Variants in PARD3 observed in about 807,000 individuals in gnomAD.
PARD3 encodes par-3 family cell polarity regulator, also known as partitioning defective 3 homolog.
PARD3 carries 75 observed loss-of-function variants against 155.4 expected under a neutral mutation model. The observed-to-expected ratio is 0.48, with a 90% confidence interval of 0.40 to 0.58. The LOEUF is 0.58. PARD3 is among the 20% of genes least tolerant of loss of function. The pLI, the probability that PARD3 is intolerant of heterozygous loss-of-function variation, is 0.00. For synonymous variants in PARD3, 576 were observed against 610.5 expected, an observed-to-expected ratio of 0.94 and a Z score of 0.83; for missense variants, 1,642 against 1,721.7, an observed-to-expected ratio of 0.95 and a Z score of 0.82.
chr10:34,300,073 G>A (rs567745106), intron 20 of PARD3, among the ~76,000 whole-genome samples: 2 of 152,222 alleles, frequency 1.3e-5, no homozygotes, highest in East Asian at 3.9e-4. Flanking sequence ...AAAAATGCAT[G>A]TACAAATAAA....
At chr10:34,143,336 C>A (rs1948296295) in intron 22 of PARD3, among the ~76,000 whole-genome samples, 1 of 152,082 alleles carries the variant, frequency 6.6e-6, no homozygotes, top group Non-Finnish European at 1.5e-5. Flanking sequence ...CAACAAAAAA[C>A]TGAAATAAAA....
At chr10:34,669,294 A>C (rs2093563736) in intron 2 of PARD3, among the ~76,000 whole-genome samples, 4 of 152,222 alleles carry the variant, frequency 2.6e-5, no homozygotes, top group South Asian at 4.1e-4. Context: ...AAAAGAATGA[A>C]ATCATGTCTT....
chr10:34,233,239 T>C (rs764029872), intron 22 of PARD3, among the ~76,000 whole-genome samples: 4 of 151,950 alleles, frequency 2.6e-5, no homozygotes, highest in Non-Finnish European at 5.9e-5. Context: ...TTAGGTCCGC[T>C]AGAAACAGTG....
chr10:34,309,547 C>CAAA (rs1323865538), intron 20 of PARD3, among the ~76,000 whole-genome samples: 1 of 46,628 alleles, frequency 2.1e-5, no homozygotes, highest in Admixed American at 3.0e-4. Context: ...GACCCTGTCT[C>CAAA]CAAAAAAAAA....
chr10:34,217,856 A>G (rs1387598911), intron 22 of PARD3, among the ~76,000 whole-genome samples: 10 of 152,210 alleles, frequency 6.6e-5, no homozygotes, highest in Admixed American at 3.3e-4. Flanking sequence ...AGGGAGGTAG[A>G]CACCAAAAGG....
intron 2 of PARD3, among the ~76,000 whole-genome samples, chr10:34,681,747 TATATATATATATATATATATA>T (rs1223538090): frequency 5.4e-4 from 9 of 16,532 alleles, no homozygotes; most frequent in East Asian, 3.7e-3. Flanking sequence ...TATATATATA[TATATATATATATATATATATA>T]TTTTTTTTTT....
At chr10:34,461,660 T>C (rs1021247561) in intron 4 of PARD3, among the ~76,000 whole-genome samples, 4 of 152,304 alleles carry the variant, frequency 2.6e-5, no homozygotes, top group African/African-American at 9.6e-5. Context: ...GAGATTAAAA[T>C]ATTTTTTCAA....
chr10:34,134,147 C>T (rs1947762478), intron 22 of PARD3, among the ~76,000 whole-genome samples: 1 of 152,162 alleles, frequency 6.6e-6, no homozygotes, highest in African/African-American at 2.4e-5. Flanking sequence ...TATTGTTGCA[C>T]TGTCCAATCT....
intron 7 of PARD3, among the ~76,000 whole-genome samples, chr10:34,396,988 T>C (rs770743874): frequency 7.2e-4 from 110 of 152,336 alleles, no homozygotes; most frequent in Non-Finnish European, 1.3e-3. Flanking sequence ...TATATCAACA[T>C]TTATCACATA....
intron 3 of PARD3, among the ~76,000 whole-genome samples, chr10:34,515,729 C>T (rs1443173614): frequency 6.6e-6 from 1 of 151,824 alleles, no homozygotes; most frequent in Non-Finnish European, 1.5e-5. Flanking sequence ...CTACAGATTG[C>T]TATCAATGCA....
intron 22 of PARD3, among the ~76,000 whole-genome samples, chr10:34,180,310 G>C (rs1950215708): frequency 6.6e-6 from 1 of 152,152 alleles, no homozygotes; most frequent in Non-Finnish European, 1.5e-5. Flanking sequence ...CACCCAAAGT[G>C]TTGGGATTAC....
chr10:34,161,167 C>G (rs1209809383), intron 22 of PARD3, among the ~76,000 whole-genome samples: 1 of 149,486 alleles, frequency 6.7e-6, no homozygotes, highest in Admixed American at 6.7e-5. Context: ...ATCACTTGAG[C>G]CCAGGAGGCT....
intron 7 of PARD3, among the ~76,000 whole-genome samples, chr10:34,391,419 C>T (rs1253706136): frequency 6.6e-6 from 1 of 152,124 alleles, no homozygotes; most frequent in Non-Finnish European, 1.5e-5. Context: ...TCCCACAGAG[C>T]TCGGTGGTGT....
At chr10:34,220,605 G>A (rs543144057) in intron 22 of PARD3, among the ~76,000 whole-genome samples, 3 of 152,212 alleles carry the variant, frequency 2.0e-5, no homozygotes, top group Non-Finnish European at 2.9e-5. Flanking sequence ...ACAGGCACCC[G>A]AAATGCAATG....
At chr10:34,712,482 G>A (rs1173628790) in intron 1 of PARD3, among the ~76,000 whole-genome samples, 1 of 152,160 alleles carries the variant, frequency 6.6e-6, no homozygotes, top group Non-Finnish European at 1.5e-5. Flanking sequence ...TGACAATCCT[G>A]CAAGATCAAT....
At chr10:34,566,507 C>G (rs1033479019) in intron 2 of PARD3, among the ~76,000 whole-genome samples, 7 of 152,212 alleles carry the variant, frequency 4.6e-5, no homozygotes, top group Non-Finnish European at 1.0e-4. Flanking sequence ...TACATTATCC[C>G]GGAAATGCAG....
intron 21 of PARD3, among the ~76,000 whole-genome samples, chr10:34,278,258 G>C (rs1399217691): frequency 6.6e-6 from 1 of 152,064 alleles, no homozygotes; most frequent in Admixed American, 6.6e-5. Context: ...ATGTTGCCCA[G>C]GCTGGTATCG....
chr10:34,531,997 G>T (rs1336103982), intron 2 of PARD3, among the ~76,000 whole-genome samples: 1 of 150,536 alleles, frequency 6.6e-6, no homozygotes, highest in East Asian at 1.9e-4. Context: ...GTAACAACAG[G>T]AGGGGGCTAT....
At chr10:34,397,890 G>A (rs934080037) in intron 7 of PARD3, among the ~76,000 whole-genome samples, 3 of 151,594 alleles carry the variant, frequency 2.0e-5, no homozygotes, top group African/African-American at 7.3e-5. Context: ...TTCCTACTCC[G>A]GAAAGAAATG....
Sources: gnomAD v4.1 joint callset for allele counts (sites outside exome capture counted in the v4.1 genomes callset) on GRCh38, gnomAD v4.1.1 for gene constraint, MANE v1.5 for transcripts, NCBI Gene and HGNC (gene_info 2026-07-23, HGNC 2026-07-21) for gene names.